CST2: variants seen among roughly 807,000 people sequenced by gnomAD.
CST2 encodes cystatin-SA.
Under a neutral mutation model 13.4 loss-of-function variants are expected in CST2, and 26 were observed. The ratio of observed to expected loss-of-function variants is 1.95; its 90% confidence interval spans 1.43 to 2.70. CST2 has a LOEUF of 2.70. CST2 is among the 30% of genes most tolerant of loss of function. The probability of loss-of-function intolerance (pLI) is 0.00; values close to 1 mark genes in which losing one functional copy is unlikely to be tolerated. For synonymous variants in CST2, 105 were observed against 71.1 expected (o/e 1.48, Z -2.40); for missense variants, 243 against 173.4 (o/e 1.40, Z -2.25).
chr20:23,826,324 G>A (rs1984834978), intron 1 of CST2, 109 bp downstream of exon 1: 3 of 884,018 alleles, frequency 3.4e-6, no homozygotes, highest in Admixed American at 4.4e-5. Context: ...GAATGAATCT[G>A]AGCATTAGAT....
Position 23,826,646 on chromosome 20 carries a change from C to T in CST2, c.15G>A (p.Leu5=), listed in dbSNP as rs1260032984. 6 of 1,604,884 alleles carry T rather than the reference C, an allele frequency of 3.7e-6. No individual in the cohort carries two copies. The East Asian group carries it at 1.1e-4, about 30-fold the overall frequency. ...TGGCCAGCAGGAGCAGCAGGGTGCA[C>T]AGGGGCCAGGCCATGGTCTCCTCGG... MAWP[L]CTLLLLLATQ... is the part of the protein sequence containing the mutation. Residue 5 remains leucine, a synonymous_variant, in exon 1 of 3, where the codon CTG becomes CTA. Coordinates refer to ENST00000304725, the MANE Select transcript of CST2 (RefSeq NM_001322.3).
Position 23,824,028 on chromosome 20 carries a change from CTTG to C in CST2, c.415_417del (p.Gln139del). 6.2e-7 allele frequency: 1 copy of C among 1,614,084 alleles called. No individual in the cohort carries two copies. The highest frequency in any genetic ancestry group is 1.3e-5 in the African/African-American group (1 of 75,042). On this transcript the variant is annotated inframe_deletion, in exon 3 of 3. Coordinates refer to ENST00000304725, the MANE Select transcript of CST2 (RefSeq NM_001322.3). ...CTCCCTGGCACAGATCCCTAGGCTT[CTTG>C]ACACCTGGAATTCACCAGGGACATT...
chr20:23,826,152 G>T (rs1984829242), intron 1 of CST2, among the ~76,000 whole-genome samples: 1 of 152,196 alleles, frequency 6.6e-6, no homozygotes, highest in Non-Finnish European at 1.5e-5. Context: ...AGGAAGCGAA[G>T]TTCCTGTGTG....
In CST2 at chr20:23,823,926, A is replaced by G. The variant is rs932486345; in HGVS notation, c.*94T>C. On this transcript the variant is annotated 3_prime_UTR_variant, in exon 3 of 3. Transcript: ENST00000304725. Reference sequence around the variant, plus strand: ...TCTCCTGCTGCAGGTGCATGGGGAGACCTCCCACAGGGTGGGGGCCACCAG... The same window carrying G: ...TCTCCTGCTGCAGGTGCATGGGGAGGCCTCCCACAGGGTGGGGGCCACCAG... 7.0e-5 allele frequency: 85 copies of G among 1,208,484 alleles called. No homozygotes were observed. The highest frequency in any genetic ancestry group is 2.0e-4 in the African/African-American group (13 of 66,264). 74.9% of individuals were successfully genotyped at this position (1,208,484 alleles called of 1,614,324 possible).
At chr20:23,825,924 ACCT>A (rs1006865552) in intron 1 of CST2, among the ~76,000 whole-genome samples, 4 of 152,022 alleles carry the variant, frequency 2.6e-5, no homozygotes, top group African/African-American at 9.7e-5. Flanking sequence ...TTGACCTGAC[ACCT>A]CCTCCTCTCT....
chr20:23,824,315 C>A (rs6138124), intron 2 of CST2, among the ~76,000 whole-genome samples: 1,524 of 152,192 alleles, frequency 0.01, 27 homozygotes, highest in African/African-American at 0.034. Flanking sequence ...TGGCATTGGG[C>A]CCCCACCGCA....
Position 23,826,508 on chromosome 20 carries a change from G to T in CST2, c.153C>A (p.Val51=), listed in dbSNP as rs200506017. The change falls in exon 1 of 3, where the codon GTC becomes GTA. Residue 51 remains valine, a synonymous_variant. Transcript: ENST00000304725. ...CAGTGGCCTTGTTATACTCGCTGAT[G>T]ACAAAGTGAAGGGCACGCTGTACCC... ...DERVQRALHF[V]ISEYNKATED... is the part of the protein sequence containing the mutation. 2.0e-5 allele frequency: 32 copies of T among 1,614,064 alleles called. No homozygotes were observed. The Admixed American group carries it at 3.5e-4, about 18-fold the overall frequency.
chr20:23,825,194 C>G lies in CST2; in HGVS notation c.342+16G>C. 8.1e-6 allele frequency: 13 copies of G among 1,612,068 alleles called. No homozygotes were observed. Among genetic ancestry groups the G allele is most frequent in the Non-Finnish European group, 1.0e-5 (12 of 1,178,386 alleles). Reference sequence around the variant, plus strand: ...TGCAGTGCATGACTGGCCTGGGACCCGCATCAGGAACGTACCTTCTGCAGT... The same window carrying G: ...TGCAGTGCATGACTGGCCTGGGACCGGCATCAGGAACGTACCTTCTGCAGT... On this transcript the variant is annotated intron_variant, in intron 2 of 2. Coordinates refer to ENST00000304725, the MANE Select transcript of CST2 (RefSeq NM_001322.3).
Position 23,823,905 on chromosome 20 carries a change from C to T in CST2, c.*115G>A, listed in dbSNP as rs1984742040. 11 of 1,092,756 alleles carry T rather than the reference C, an allele frequency of 1.0e-5. No individual in the cohort carries two copies. Among genetic ancestry groups the T allele is most frequent in the African/African-American group, 1.6e-5 (1 of 64,174 alleles). The allele number at this position is 1,092,756 out of a possible 1,614,324, so 67.7% of individuals were successfully genotyped here. The stretch of plus-strand genomic sequence containing the variant: ...CTCCTGCAGCCTTCTCTGTCTTCTC[C>T]TGCTGCAGGTGCATGGGGAGACCTC... On this transcript the variant is annotated 3_prime_UTR_variant, in exon 3 of 3. Coordinates refer to ENST00000304725, the MANE Select transcript of CST2 (RefSeq NM_001322.3).
chr20:23,825,692 A>G (rs1285253827), intron 1 of CST2, among the ~76,000 whole-genome samples: 1 of 152,210 alleles, frequency 6.6e-6, no homozygotes, highest in African/African-American at 2.4e-5. Context: ...GTCATGCTTG[A>G]AAGGGAGGTG....
At chr20:23,825,017 T>C (rs1215897623) in intron 2 of CST2, among the ~76,000 whole-genome samples, 193 bp downstream of exon 2, 1 of 151,972 alleles carries the variant, frequency 6.6e-6, no homozygotes, top group Non-Finnish European at 1.5e-5. Flanking sequence ...TGTACACACA[T>C]GCACCTTTCC....
At position 23,826,580 on chromosome 20, in the gene CST2, GTCC is replaced by G. The variant is rs754259855; in HGVS notation, c.78_80del (p.Glu26del). 2.9e-5 allele frequency: 47 copies of G among 1,613,894 alleles called. 2 individuals carry two copies. In the South Asian group the frequency reaches 5.1e-4, roughly 17 times the overall value. ...CATAGATGCCACCCTCGATTATCCT[GTCC>G]TCCTCCTGGGGGCTCCAGGCCAGGG... is the stretch of plus-strand genomic sequence containing the variant. On this transcript the variant is annotated inframe_deletion, in exon 1 of 3. Transcript: ENST00000304725.
chr20:23,826,385 A>G (rs1984836580), intron 1 of CST2, 48 bp downstream of exon 1: 2 of 1,527,006 alleles, frequency 1.3e-6, no homozygotes, highest in South Asian at 1.1e-5. Flanking sequence ...GGATCGGGCA[A>G]CAAACAAGGC....
chr20:23,825,641 C>T (rs1363729895), intron 1 of CST2, among the ~76,000 whole-genome samples: 1 of 152,218 alleles, frequency 6.6e-6, no homozygotes, highest in African/African-American at 2.4e-5. Context: ...GGCGTCCGGG[C>T]CTGATGGTCT....
At position 23,825,469 on chromosome 20, in the gene CST2, T is replaced by G; in HGVS notation, c.229-146A>C. 7.6e-6 allele frequency: 6 copies of G among 786,832 alleles called. No individual in the cohort carries two copies. The South Asian group carries it at 1.0e-4, about 13-fold the overall frequency. 48.7% of individuals were successfully genotyped at this position (786,832 alleles called of 1,614,324 possible). A position where few individuals can be genotyped will look rare whatever the true frequency, so the allele number is the denominator to read the frequency against. ...CAACACAAGGCACACAAGCCCCCTC[T>G]TCCTGTCAGCTGGCAGGGTGCTGGG... On this transcript the variant is annotated intron_variant, in intron 1 of 2. Coordinates refer to ENST00000304725, the MANE Select transcript of CST2 (RefSeq NM_001322.3).
intron 1 of CST2, 77 bp downstream of exon 1, chr20:23,826,356 G>T: frequency 8.9e-7 from 1 of 1,122,432 alleles, no homozygotes; most frequent in Non-Finnish European, 1.3e-6. Flanking sequence ...CAGTGTTGAT[G>T]TGCTGCGAAT....
chr20:23,825,932 C>T (rs1984820398), intron 1 of CST2, among the ~76,000 whole-genome samples: 1 of 152,214 alleles, frequency 6.6e-6, no homozygotes. Context: ...ACACCTCCTC[C>T]TCTCTACTGG....
At chr20:23,824,166 G>A (rs1984753700) in intron 2 of CST2, 63 bp from the exon 3 acceptor site, 19 of 1,546,604 alleles carry the variant, frequency 1.2e-5, no homozygotes, top group Middle Eastern at 1.7e-4. Context: ...AGTCACCCAG[G>A]CATGAGATGT....
Position 23,823,945 on chromosome 20 carries a change from C to T in CST2, c.*75G>A, listed in dbSNP as rs2122131322. ...GGGGAGACCTCCCACAGGGTGGGGG[C>T]CACCAGTCCAGGGGTGGGAGCACTA... is the stretch of plus-strand genomic sequence containing the variant. On this transcript the variant is annotated 3_prime_UTR_variant, in exon 3 of 3. Transcript: ENST00000304725. 6 of 1,526,256 alleles carry T rather than the reference C, an allele frequency of 3.9e-6. No individual in the cohort carries two copies. The highest frequency in any genetic ancestry group is 1.1e-5 in the South Asian group (1 of 87,202). 94.5% of individuals were successfully genotyped at this position (1,526,256 alleles called of 1,614,324 possible).
Sources: gnomAD v4.1 joint callset for allele counts (sites outside exome capture counted in the v4.1 genomes callset) on GRCh38, gnomAD v4.1.1 for gene constraint, MANE v1.5 for transcripts, NCBI Gene and HGNC (gene_info 2026-07-23, HGNC 2026-07-21) for gene names.